Variants in ANKRD6 observed in about 807,000 individuals in gnomAD.
ANKRD6 encodes ankyrin repeat domain 6.
ANKRD6 carries 56 observed loss-of-function variants against 82.3 expected under a neutral mutation model. The observed-to-expected ratio is 0.68, with a 90% CI of 0.55 to 0.85. ANKRD6 has a LOEUF of 0.85. ANKRD6 is among the 40% of genes least tolerant of loss of function. The pLI is 0.00. For synonymous variants in ANKRD6, 347 were observed against 352.1 expected, an observed-to-expected ratio of 0.99 and a Z score of 0.16; for missense variants, 852 against 907.6, an observed-to-expected ratio of 0.94 and a Z score of 0.79.
chr6:89,566,214 T>C (rs1788485286), intron 1 of ANKRD6, among the ~76,000 whole-genome samples: 2 of 152,272 alleles, frequency 1.3e-5, no homozygotes, highest in African/African-American at 4.8e-5. Flanking sequence ...GTGGATTGTT[T>C]CAGCCACTTG....
chr6:89,630,495 G>GT lies in ANKRD6; in HGVS notation c.1677dup (p.Arg560Ter). The GT allele has an allele frequency of 6.2e-7, 1 of 1,614,042 alleles. No individual in the cohort carries two copies. Among genetic ancestry groups the GT allele is most frequent in the Non-Finnish European group, 8.5e-7 (1 of 1,179,886 alleles). On this transcript the variant is annotated frameshift_variant, in exon 16 of 16. Transcript: ENST00000339746. LOFTEE classifies it high-confidence loss of function. ...AGCTTCCGACAGCTCCCCTCCAGTG[G>GT]TTAGGCCCAAAGAGAAGGCCCTCAA...
rs570494662 is a variant in ANKRD6, at chr6:89,435,581, G to T, written c.-144+2206G>T. ...AAAAGCCGAAAGTCTCAAAGTCGGGGGATCTTTTAGTCTCTGTCTTCTTCC... is the reference window on the plus strand; with the variant it reads ...AAAAGCCGAAAGTCTCAAAGTCGGGTGATCTTTTAGTCTCTGTCTTCTTCC... On this transcript the variant is annotated intron_variant, in intron 1 of 15. Coordinates refer to ENST00000339746, the MANE Select transcript of ANKRD6 (RefSeq NM_001242809.2). Among the ~76,000 whole-genome samples, 325 of 152,256 alleles carry T rather than the reference G, an allele frequency of 2.1e-3. 1 individual carries two copies. The highest frequency in any genetic ancestry group is 3.6e-3 in the Non-Finnish European group (248 of 68,034).
At chr6:89,438,900 C>G (rs533452441) in intron 1 of ANKRD6, among the ~76,000 whole-genome samples, 1 of 152,144 alleles carries the variant, frequency 6.6e-6, no homozygotes, top group Non-Finnish European at 1.5e-5. Flanking sequence ...GCCTCGGCCT[C>G]CTAAAGTGCT....
chr6:89,516,928 G>A (rs537693499), intron 1 of ANKRD6, among the ~76,000 whole-genome samples: 3 of 152,294 alleles, frequency 2.0e-5, no homozygotes, highest in African/African-American at 7.2e-5. Flanking sequence ...GAGTGCAGTG[G>A]CACAATCATA....
chr6:89,552,233 A>G (rs142447416), intron 1 of ANKRD6, among the ~76,000 whole-genome samples: 3 of 152,336 alleles, frequency 2.0e-5, no homozygotes, highest in Non-Finnish European at 4.4e-5. Context: ...CATGTCCTCC[A>G]CCTAACTGGA....
intron 2 of ANKRD6, among the ~76,000 whole-genome samples, chr6:89,569,079 A>G (rs1259968612): frequency 6.6e-6 from 1 of 151,860 alleles, no homozygotes; most frequent in Non-Finnish European, 1.5e-5. Flanking sequence ...ATGCCTGCCT[A>G]ATTTTTGTAT....
At chr6:89,603,720 T>C (rs1797820712) in intron 4 of ANKRD6, among the ~76,000 whole-genome samples, 1 of 152,196 alleles carries the variant, frequency 6.6e-6, no homozygotes, top group African/African-American at 2.4e-5. Context: ...ACACAGTGGC[T>C]CACGCCTGTA....
At chr6:89,482,101 G>A (rs1405942779) in intron 1 of ANKRD6, among the ~76,000 whole-genome samples, 4 of 152,256 alleles carry the variant, frequency 2.6e-5, no homozygotes, top group South Asian at 2.1e-4. Context: ...CTCCTTCCCC[G>A]CCTTTGCTTC....
chr6:89,450,508 AG>A (rs1270281579), intron 1 of ANKRD6, among the ~76,000 whole-genome samples: 1 of 152,060 alleles, frequency 6.6e-6, no homozygotes, highest in African/African-American at 2.4e-5. Flanking sequence ...TTAGCAACAA[AG>A]TATTTTTATC....
At chr6:89,545,072 G>A (rs1478402748) in intron 1 of ANKRD6, among the ~76,000 whole-genome samples, 1 of 151,948 alleles carries the variant, frequency 6.6e-6, no homozygotes, top group Non-Finnish European at 1.5e-5. Context: ...AATTAGCAGG[G>A]CGTGGTGGCG....
chr6:89,539,557 G>GTA (rs1479317147), intron 1 of ANKRD6, among the ~76,000 whole-genome samples: 1 of 151,938 alleles, frequency 6.6e-6, no homozygotes. Context: ...TATATAGTCT[G>GTA]TATATATATT....
At chr6:89,562,356 T>G (rs1787558836) in intron 1 of ANKRD6, 1 of 152,290 alleles carries the variant, frequency 6.6e-6, no homozygotes, top group Admixed American at 6.5e-5. Context: ...GTGGAGTGTC[T>G]GGGCTCCGCT....
intron 1 of ANKRD6, among the ~76,000 whole-genome samples, chr6:89,465,154 C>CTG (rs1774688907): frequency 6.8e-6 from 1 of 146,476 alleles, no homozygotes. Flanking sequence ...GAGTCGTGCT[C>CTG]TGTGGCCCAG....
chr6:89,627,638 G>GC lies in ANKRD6; in HGVS notation c.1429dup (p.Leu477ProfsTer14). 1 of 1,613,786 alleles carries GC rather than the reference G, an allele frequency of 6.2e-7. No individual in the cohort carries two copies. Among genetic ancestry groups the GC allele is most frequent in the Non-Finnish European group, 8.5e-7 (1 of 1,179,778 alleles). ...CGACTTTCTGCAGAGAGGACGGAGT[G>GC]CCTGAACCGCCTGCAACAGCACTCA... On this transcript the variant is annotated frameshift_variant, in exon 14 of 16. Coordinates refer to ENST00000339746, the MANE Select transcript of ANKRD6 (RefSeq NM_001242809.2). LOFTEE classifies it high-confidence loss of function.
In ANKRD6 at chr6:89,631,044, T is replaced by G; in HGVS notation, c.*40T>G. On this transcript the variant is annotated 3_prime_UTR_variant, in exon 16 of 16. Transcript: ENST00000339746. ...AAATATGAAAGGATTCTTGAAGATT[T>G]CCAGTTTTGCAACTGCATAATAGCT... is the stretch of plus-strand genomic sequence containing the variant. 2.1e-6 allele frequency: 3 copies of G among 1,462,898 alleles called. No homozygotes were observed. Among genetic ancestry groups the G allele is most frequent in the South Asian group, 1.5e-5 (1 of 68,676 alleles). 90.6% of individuals were successfully genotyped at this position (1,462,898 alleles called of 1,614,324 possible). A position where few individuals can be genotyped will look rare whatever the true frequency, so the allele number is the denominator to read the frequency against.
chr6:89,602,107 T>C, intron 3 of ANKRD6: 1 of 152,382 alleles, frequency 6.6e-6, no homozygotes, highest in Non-Finnish European at 1.5e-5. Context: ...TCCTGACCCC[T>C]TGTCTCGTGC....
chr6:89,435,768 G>GT (rs1451949823), intron 1 of ANKRD6, among the ~76,000 whole-genome samples: 2 of 152,160 alleles, frequency 1.3e-5, no homozygotes, highest in East Asian at 1.9e-4. Context: ...CGTTTTAGAA[G>GT]TTTTTTTAAA....
intron 8 of ANKRD6, chr6:89,617,106 T>C (rs937388203): frequency 8.0e-6 from 3 of 374,664 alleles, no homozygotes; most frequent in African/African-American, 4.2e-5. Flanking sequence ...TCTCACTGTG[T>C]GTCCTGCAGA....
intron 1 of ANKRD6, among the ~76,000 whole-genome samples, chr6:89,560,398 A>T (rs534831268): frequency 1.3e-5 from 2 of 152,296 alleles, no homozygotes; most frequent in East Asian, 3.9e-4. Context: ...ATTCTATCAG[A>T]TCAGGGCTCC....
Sources: gnomAD v4.1 joint callset for allele counts (sites outside exome capture counted in the v4.1 genomes callset) on GRCh38, gnomAD v4.1.1 for gene constraint, MANE v1.5 for transcripts, NCBI Gene and HGNC (gene_info 2026-07-23, HGNC 2026-07-21) for gene names.